RASSF8: variants seen among roughly 807,000 people sequenced by gnomAD.
RASSF8 encodes ras association domain-containing protein 8.
RASSF8 carries 22 observed loss-of-function variants against 48.5 expected under a neutral mutation model. The observed-to-expected ratio is 0.45, with a 90% CI of 0.32 to 0.65. RASSF8 has a LOEUF of 0.65. Ranked by LOEUF, RASSF8 falls within the 30% of genes least tolerant of loss-of-function variation. RASSF8 has a pLI of 0.03. For missense variants in RASSF8, 418 were observed against 489.2 expected (o/e 0.85, Z 1.37); for synonymous variants, 127 against 171.5 (o/e 0.74, Z 2.03).
At chr12:26,050,707 T>C (rs551403218) in intron 2 of RASSF8, among the ~76,000 whole-genome samples, 1 of 152,336 alleles carries the variant, frequency 6.6e-6, no homozygotes, top group Admixed American at 6.5e-5. Context: ...TCAGACATAT[T>C]TTATTTAGGA....
rs185377771 is a variant in RASSF8, at chr12:26,006,828, C to G, written c.-109+11698C>G. ...ATGAAACGAGGTCACATTCATCTTT[C>G]TTAGCTTTAGTTCTTACTCACTAAA... On this transcript the variant is annotated intron_variant, in intron 2 of 5. Coordinates refer to ENST00000689635, the MANE Select transcript of RASSF8 (RefSeq NM_001394098.1). 4.6e-5 allele frequency among the ~76,000 whole-genome samples: 7 copies of G among 152,282 alleles called. No homozygotes were observed. In the East Asian group the frequency reaches 1.3e-3, roughly 29 times the overall value.
At chr12:25,977,627 T>A (rs1941637968) in intron 1 of RASSF8, among the ~76,000 whole-genome samples, 1 of 151,846 alleles carries the variant, frequency 6.6e-6, no homozygotes, top group African/African-American at 2.4e-5. Context: ...TAGTTGGCAA[T>A]ATGATTTGCC....
At chr12:26,026,354 A>G (rs1942913071) in intron 2 of RASSF8, among the ~76,000 whole-genome samples, 1 of 152,230 alleles carries the variant, frequency 6.6e-6, no homozygotes, top group Non-Finnish European at 1.5e-5. Context: ...AAATGAAAAG[A>G]TGTTTGACGT....
At chr12:25,992,276 C>A (rs938394366) in intron 1 of RASSF8, among the ~76,000 whole-genome samples, 1 of 152,196 alleles carries the variant, frequency 6.6e-6, no homozygotes. Flanking sequence ...CAAGAAGAGG[C>A]AAACATTTCA....
chr12:26,044,027 T>C (rs946017827), intron 2 of RASSF8, among the ~76,000 whole-genome samples: 7 of 152,222 alleles, frequency 4.6e-5, no homozygotes, highest in African/African-American at 1.7e-4. Context: ...CTGTATGTTA[T>C]ACTGCAATTA....
chr12:26,073,221 C>T (rs1944033961), downstream of RASSF8, among the ~76,000 whole-genome samples: 2 of 152,164 alleles, frequency 1.3e-5, no homozygotes, highest in Non-Finnish European at 2.9e-5. Flanking sequence ...CATTCACAGC[C>T]ATCCAAGGAA....
At position 25,992,082 on chromosome 12, in the gene RASSF8, T is replaced by G. The variant is rs1287582650; in HGVS notation, c.-202-2955T>G. ...CATGTGGTAATAGGAGTATTATATCTAGGTAAAAGGAATCATTTAGGTGAG... is the reference window on the plus strand; with the variant it reads ...CATGTGGTAATAGGAGTATTATATCGAGGTAAAAGGAATCATTTAGGTGAG... On this transcript the variant is annotated intron_variant, in intron 1 of 5. Coordinates refer to ENST00000689635, the MANE Select transcript of RASSF8 (RefSeq NM_001394098.1). 2.0e-5 allele frequency among the ~76,000 whole-genome samples: 3 copies of G among 152,332 alleles called. No individual in the cohort carries two copies. In the East Asian group the frequency reaches 5.8e-4, roughly 29 times the overall value.
At chr12:26,004,744 T>C (rs1942345211) in intron 2 of RASSF8, among the ~76,000 whole-genome samples, 1 of 152,188 alleles carries the variant, frequency 6.6e-6, no homozygotes, top group South Asian at 2.1e-4. Flanking sequence ...GGAGCTCTTC[T>C]GACATGACAT....
chr12:25,989,485 A>C (rs1042400882), intron 1 of RASSF8, among the ~76,000 whole-genome samples: 2 of 152,184 alleles, frequency 1.3e-5, no homozygotes, highest in African/African-American at 4.8e-5. Flanking sequence ...TTTTCTGAAA[A>C]AAGCTCTCTG....
At chr12:25,990,952 TCA>T (rs149302249) in intron 1 of RASSF8, among the ~76,000 whole-genome samples, 1 of 152,142 alleles carries the variant, frequency 6.6e-6, no homozygotes, top group African/African-American at 2.4e-5. Context: ...GATCTTGGAG[TCA>T]CAGAGTAGAG....
chr12:26,045,746 C>A (rs1456602015), intron 2 of RASSF8, among the ~76,000 whole-genome samples: 1 of 152,062 alleles, frequency 6.6e-6, no homozygotes, highest in Non-Finnish European at 1.5e-5. Flanking sequence ...AAATAAATGT[C>A]TTTTTATCCC....
At chr12:25,999,283 C>T (rs1942201984) in intron 2 of RASSF8, among the ~76,000 whole-genome samples, 1 of 152,206 alleles carries the variant, frequency 6.6e-6, no homozygotes, top group Non-Finnish European at 1.5e-5. Flanking sequence ...CCAAACCATG[C>T]TCTGTGATAT....
chr12:26,078,446 C>A (rs929653868), intron 5 of RASSF8, among the ~76,000 whole-genome samples: 13 of 152,166 alleles, frequency 8.5e-5, no homozygotes, highest in African/African-American at 3.1e-4. Flanking sequence ...GTCTGAGAAG[C>A]CTGGGAGGCC....
In RASSF8 at chr12:26,065,182, C is replaced by G; in HGVS notation, c.788C>G (p.Ala263Gly). Reference sequence around the variant, plus strand: ...GAAAACAAATTAAAGGACTATTTGGCACAGATCCGGACTATGGAAAGTGGT... The same window carrying G: ...GAAAACAAATTAAAGGACTATTTGGGACAGATCCGGACTATGGAAAGTGGT... ...ECENKLKDYL[A>G]QIRTMESGLE... is the part of the protein sequence containing the mutation. Residue 263 changes from alanine to glycine, a missense_variant, in exon 4 of 6, where the codon GCA becomes GGA. Coordinates refer to ENST00000689635, the MANE Select transcript of RASSF8 (RefSeq NM_001394098.1). The G allele has an allele frequency of 6.2e-7, 1 of 1,613,996 alleles. No individual in the cohort carries two copies. The highest frequency in any genetic ancestry group is 1.1e-5 in the South Asian group (1 of 91,064).
chr12:26,015,116 G>A (rs938378155), intron 2 of RASSF8, among the ~76,000 whole-genome samples: 2 of 151,872 alleles, frequency 1.3e-5, no homozygotes, highest in African/African-American at 4.8e-5. Context: ...AGCAGAGGTG[G>A]GAGGATCATA....
chr12:26,079,321 A>C (rs1944097807), exon 6 of RASSF8: 1 of 308,038 alleles, frequency 3.2e-6, no homozygotes, highest in East Asian at 6.1e-5. Flanking sequence ...ATGGTGGCTC[A>C]CGCCTGTAAT....
At chr12:26,007,017 GGA>G (rs957713618) in intron 2 of RASSF8, among the ~76,000 whole-genome samples, 6 of 152,248 alleles carry the variant, frequency 3.9e-5, no homozygotes, top group African/African-American at 1.4e-4. Context: ...CACTCATGGT[GGA>G]AAGTGAAGGG....
chr12:26,050,413 C>T (rs992718443), intron 2 of RASSF8, among the ~76,000 whole-genome samples: 6 of 152,074 alleles, frequency 3.9e-5, no homozygotes, highest in African/African-American at 1.4e-4. Flanking sequence ...AACTGTGTGC[C>T]GAGCCCTGTA....
chr12:25,964,398 A>G (rs1477031178), intron 1 of RASSF8, among the ~76,000 whole-genome samples: 3 of 152,028 alleles, frequency 2.0e-5, no homozygotes, highest in Non-Finnish European at 4.4e-5. Context: ...ACTCATTAGC[A>G]TATGTTTTAC....
Sources: gnomAD v4.1 joint callset for allele counts (sites outside exome capture counted in the v4.1 genomes callset) on GRCh38, gnomAD v4.1.1 for gene constraint, MANE v1.5 for transcripts, NCBI Gene and HGNC (gene_info 2026-07-23, HGNC 2026-07-21) for gene names.